PCDHGA11: variants seen among roughly 807,000 people sequenced by gnomAD.
PCDHGA11 encodes protocadherin gamma subfamily A, 11.
A neutral mutation model predicts 60.4 loss-of-function variants in PCDHGA11; 39 were observed. The ratio of observed to expected loss-of-function variants is 0.65; its 90% CI spans 0.50 to 0.84. The LOEUF is 0.84. Ranked by LOEUF, PCDHGA11 falls within the 40% of genes least tolerant of loss-of-function variation. The pLI is 0.00. For synonymous variants in PCDHGA11, 533 were observed against 510.3 expected (o/e 1.04, Z -0.60); for missense variants, 1,165 against 1,197.7 (o/e 0.97, Z 0.40).
At position 141,490,649 on chromosome 5, in the gene PCDHGA11, G is replaced by C. The variant is rs1428223995; in HGVS notation, c.2434-4158G>C. 1 of 1,614,148 alleles carries C rather than the reference G, an allele frequency of 6.2e-7. No homozygotes were observed. Among genetic ancestry groups the C allele is most frequent in the Admixed American group, 1.7e-5 (1 of 60,018 alleles). On this transcript the variant is annotated intron_variant, in intron 1 of 3. Coordinates refer to ENST00000398587, the MANE Select transcript of PCDHGA11 (RefSeq NM_018914.3). The surrounding 1 kb of genome is among the most constrained non-coding windows in gnomAD (Gnocchi z 5.4). ...TACATCCTAGAAAACCGGCCTCCGG[G>C]CTCCCTTCTTTGCACTGTGGCTGCC...
rs763097687 is a variant in PCDHGA11 at position 141,489,361 on chromosome 5, C to G, written c.2434-5446C>G. On this transcript the variant is annotated intron_variant, in intron 1 of 3. Transcript: ENST00000398587. This position sits in a 1 kb window ranked among gnomAD's most constrained non-coding sequence, Gnocchi z 4.5. Reference sequence around the variant, plus strand: ...TTACTCAGTGGTGGAGGAGTCTGAGCCGGGGACGCTGGTGGGGAATGTTGC... The same window carrying G: ...TTACTCAGTGGTGGAGGAGTCTGAGGCGGGGACGCTGGTGGGGAATGTTGC... 6.2e-7 allele frequency: 1 copy of G among 1,612,762 alleles called. No homozygotes were observed. Among genetic ancestry groups the G allele is most frequent in the African/African-American group, 1.3e-5 (1 of 74,874 alleles).
intron 3 of PCDHGA11, among the ~76,000 whole-genome samples, chr5:141,506,948 G>A (rs949082646): frequency 6.6e-6 from 1 of 152,162 alleles, no homozygotes; most frequent in Non-Finnish European, 1.5e-5. Flanking sequence ...TCCTGTCAAT[G>A]AATCCTCTCA....
chr5:141,439,625 CCA>C (rs1281773200), intron 1 of PCDHGA11, among the ~76,000 whole-genome samples: 1 of 152,150 alleles, frequency 6.6e-6, no homozygotes, highest in African/African-American at 2.4e-5. Flanking sequence ...GAGCCAATCC[CCA>C]GACATTCCGG....
chr5:141,467,811 A>T (rs562932160), intron 1 of PCDHGA11, among the ~76,000 whole-genome samples: 1 of 152,164 alleles, frequency 6.6e-6, no homozygotes, highest in African/African-American at 2.4e-5. Flanking sequence ...GGCACATGCC[A>T]CCACACCAGG....
rs778684539 is a variant in PCDHGA11 at position 141,477,205 on chromosome 5, G to A, written c.2434-17602G>A. ...CCTCCGTGTACAGCCCAGTACCCGA[G>A]GATGCCCCTCTGGGGACTGTCATCG... On this transcript the variant is annotated intron_variant, in intron 1 of 3. Transcript: ENST00000398587. The surrounding 1 kb of genome is among the most constrained non-coding windows in gnomAD (Gnocchi z 4.9). 1 of 1,614,184 alleles carries A rather than the reference G, an allele frequency of 6.2e-7. No homozygotes were observed. The highest frequency in any genetic ancestry group is 8.5e-7 in the Non-Finnish European group (1 of 1,180,042).
chr5:141,427,982 G>T, intron 1 of PCDHGA11: 1 of 1,596,752 alleles, frequency 6.3e-7, no homozygotes, highest in African/African-American at 1.3e-5. Flanking sequence ...CCGCGCTGGG[G>T]CCCGATGGCT....
In PCDHGA11 at chr5:141,435,253, G is replaced by A. The variant is rs2097754974; in HGVS notation, c.2433+11593G>A. Among the ~76,000 whole-genome samples the A allele has an allele frequency of 1.3e-5, 2 of 152,064 alleles. 1 individual carries two copies. The highest frequency in any genetic ancestry group is 3.9e-4 in the East Asian group (2 of 5,184). On this transcript the variant is annotated intron_variant, in intron 1 of 3. Transcript: ENST00000398587. ...TTCAGTAATTCTTTCTGGCCATTAG[G>A]GATATGTCCATTTATACTTTCTCAG...
Position 141,476,144 on chromosome 5 carries a change from C to T in PCDHGA11, c.2434-18663C>T. ...GGTCCCAGAGGCCTGGAGGAGCGGA[C>T]TGGTAAGCACCGGGAGGGTAGTGGG... is the stretch of plus-strand genomic sequence containing the variant. On this transcript the variant is annotated intron_variant, in intron 1 of 3. Transcript: ENST00000398587. This position sits in a 1 kb window ranked among gnomAD's most constrained non-coding sequence, Gnocchi z 7.6. 6.2e-7 allele frequency: 1 copy of T among 1,610,510 alleles called. No individual in the cohort carries two copies. The highest frequency in any genetic ancestry group is 1.3e-5 in the African/African-American group (1 of 75,014).
intron 1 of PCDHGA11, among the ~76,000 whole-genome samples, chr5:141,472,264 G>A (rs925973401): frequency 1.3e-4 from 20 of 152,068 alleles, no homozygotes; most frequent in African/African-American, 3.6e-4. Context: ...TATTATAGCC[G>A]GGCACAGTGG....
At position 141,493,093 on chromosome 5, in the gene PCDHGA11, A is replaced by G. The variant is rs78102761; in HGVS notation, c.2434-1714A>G. On this transcript the variant is annotated intron_variant, in intron 1 of 3. Transcript: ENST00000398587. The surrounding 1 kb of genome is among the most constrained non-coding windows in gnomAD (Gnocchi z 4.3). ...CTCCAACTCCAGGAGCTTTTATTCA[A>G]AATATATCAATGCCTAACTCTGCTC... 0.034 allele frequency among the ~76,000 whole-genome samples: 5,198 copies of G among 152,282 alleles called. 159 individuals carry two copies. Among genetic ancestry groups the G allele is most frequent in the African/African-American group, 0.079 (3,275 of 41,546 alleles).
intron 1 of PCDHGA11, among the ~76,000 whole-genome samples, chr5:141,463,024 A>G (rs2099051235): frequency 6.6e-6 from 1 of 152,070 alleles, no homozygotes; most frequent in South Asian, 2.1e-4. Context: ...GACTTTTTTG[A>G]TTAATCTGAG....
At chr5:141,433,847 A>AAAAAAAC (rs1296633381) in intron 1 of PCDHGA11, among the ~76,000 whole-genome samples, 1 of 151,976 alleles carries the variant, frequency 6.6e-6, no homozygotes, top group Non-Finnish European at 1.5e-5. Flanking sequence ...CAAAAAAAAA[A>AAAAAAAC]AAAAAAAACT....
At chr5:141,462,584 A>C (rs959398950) in intron 1 of PCDHGA11, among the ~76,000 whole-genome samples, 1 of 152,124 alleles carries the variant, frequency 6.6e-6, no homozygotes, top group African/African-American at 2.4e-5. Context: ...CATCCAGTGA[A>C]GTTTCCATTT....
At chr5:141,438,589 TAC>T (rs72335471) in intron 1 of PCDHGA11, among the ~76,000 whole-genome samples, 19,881 of 66,350 alleles carry the variant, frequency 0.3, 2,903 homozygotes, top group Admixed American at 0.41. Context: ...CATACATACA[TAC>T]ATATATATAT....
At chr5:141,443,704 C>T (rs894128704) in intron 1 of PCDHGA11, among the ~76,000 whole-genome samples, 6 of 152,102 alleles carry the variant, frequency 3.9e-5, no homozygotes, top group Non-Finnish European at 7.4e-5. Flanking sequence ...TATAGAATAA[C>T]ATTTGCATAT....
chr5:141,462,617 T>C (rs1413543706), intron 1 of PCDHGA11, among the ~76,000 whole-genome samples: 1 of 151,850 alleles, frequency 6.6e-6, no homozygotes, highest in East Asian at 1.9e-4. Context: ...TTTTCACTTT[T>C]AGAAGTTCCA....
Position 141,491,687 on chromosome 5 carries a change from G to A in PCDHGA11, c.2434-3120G>A. On this transcript the variant is annotated intron_variant, in intron 1 of 3. Transcript: ENST00000398587. This position sits in a 1 kb window ranked among gnomAD's most constrained non-coding sequence, Gnocchi z 6.9. Reference sequence around the variant, plus strand: ...ATCCGGTCCCGCTCTAATACGCTGCGGGAGCGGAGCCAGGTGAGGGGCTCG... The same window carrying A: ...ATCCGGTCCCGCTCTAATACGCTGCAGGAGCGGAGCCAGGTGAGGGGCTCG... The A allele has an allele frequency of 6.2e-7, 1 of 1,613,072 alleles. No homozygotes were observed. The highest frequency in any genetic ancestry group is 8.5e-7 in the Non-Finnish European group (1 of 1,179,608).
intron 1 of PCDHGA11, among the ~76,000 whole-genome samples, chr5:141,451,435 G>T (rs947210577): frequency 6.6e-6 from 1 of 152,234 alleles, no homozygotes; most frequent in Non-Finnish European, 1.5e-5. Flanking sequence ...AAGGGTTCCA[G>T]TTCCTTGCTG....
chr5:141,491,802 G>C lies in PCDHGA11; in HGVS notation c.2434-3005G>C, dbSNP rs759587995. 1 of 1,497,480 alleles carries C rather than the reference G, an allele frequency of 6.7e-7. No homozygotes were observed. The highest frequency in any genetic ancestry group is 1.3e-5 in the South Asian group (1 of 74,938). The allele number at this position is 1,497,480 out of a possible 1,614,324, so 92.8% of individuals were successfully genotyped here. A position where few individuals can be genotyped will look rare whatever the true frequency, so the allele number is the denominator to read the frequency against. On this transcript the variant is annotated intron_variant, in intron 1 of 3. Coordinates refer to ENST00000398587, the MANE Select transcript of PCDHGA11 (RefSeq NM_018914.3). The surrounding 1 kb of genome is among the most constrained non-coding windows in gnomAD (Gnocchi z 6.9). ...ACTTGCATCCACTCCTCTCCGGCCG[G>C]CTTGGTCGCTGGCTGCGCTCCACCC...
Sources: gnomAD v4.1 joint callset for allele counts (sites outside exome capture counted in the v4.1 genomes callset) on GRCh38, gnomAD v4.1.1 for gene constraint, Gnocchi (gnomAD v3.1) non-coding constraint, MANE v1.5 for transcripts, NCBI Gene and HGNC (gene_info 2026-07-23, HGNC 2026-07-21) for gene names.